The following NKD1 variants were observed in gnomAD, a reference collection of about 807,000 sequenced individuals.
NKD1 encodes NKD inhibitor of Wnt signaling pathway 1.
NKD1 carries 21 observed loss-of-function variants against 56.0 expected under a neutral mutation model. That is an observed-to-expected ratio of 0.38 (90% CI 0.27 to 0.54). The LOEUF (loss-of-function observed/expected upper bound fraction) is 0.54. Among genes scored for constraint, NKD1 ranks in the 20% least tolerant of loss-of-function variants. The probability of loss-of-function intolerance (pLI) is 0.82; values close to 1 mark genes in which losing one functional copy is unlikely to be tolerated. For missense variants in NKD1, 578 were observed against 642.7 expected (o/e 0.90, Z 1.09); for synonymous variants, 263 against 265.7 (o/e 0.99, Z 0.10).
chr16:50,552,444 G>C (rs967534623), intron 3 of NKD1: 2 of 152,296 alleles, frequency 1.3e-5, no homozygotes, highest in African/African-American at 2.4e-5. Context: ...AGAAGCAGGA[G>C]TGGCCCCTGT....
intron 3 of NKD1, chr16:50,574,445 T>C (rs760238101): frequency 3.0e-6 from 3 of 985,398 alleles, no homozygotes; most frequent in Non-Finnish European, 3.6e-6. Context: ...AATTTAGGAT[T>C]CCTTGGGACT....
intron 4 of NKD1, among the ~76,000 whole-genome samples, chr16:50,609,380 G>T (rs117480132): frequency 3.3e-5 from 5 of 152,362 alleles, no homozygotes; most frequent in Admixed American, 6.5e-5. Context: ...TCAGAAACAG[G>T]GAAAGAAATC....
chr16:50,578,137 G>A (rs1961029457), intron 3 of NKD1, among the ~76,000 whole-genome samples: 1 of 152,132 alleles, frequency 6.6e-6, no homozygotes, highest in South Asian at 2.1e-4. Context: ...CCATGTTGTG[G>A]CTTGTTCATC....
rs1421653694 is a variant in NKD1 at position 50,643,716 on chromosome 16, T to C, written c.*9935T>C. ...CTGCCAGCTTCTGGTCACAACATTT[T>C]CATTACCAATCAGTGCATAACCTTG... On this transcript the variant is annotated 3_prime_UTR_variant, in exon 10 of 10. Transcript: ENST00000268459. 6.6e-6 allele frequency: 1 copy of C among 152,262 alleles called. No homozygotes were observed. The highest frequency in any genetic ancestry group is 1.5e-5 in the Non-Finnish European group (1 of 68,052). The allele number at this position is 152,262 out of a possible 1,614,324, so 9.4% of individuals were successfully genotyped here. A position where few individuals can be genotyped will look rare whatever the true frequency, so the allele number is the denominator to read the frequency against.
intron 3 of NKD1, chr16:50,558,240 G>A (rs1179886964): frequency 6.6e-6 from 1 of 152,214 alleles, no homozygotes; most frequent in East Asian, 1.9e-4. Flanking sequence ...TTAGTACACT[G>A]GCTTGTGTTT....
chr16:50,562,028 G>A (rs556810057), intron 3 of NKD1, among the ~76,000 whole-genome samples: 5 of 152,222 alleles, frequency 3.3e-5, no homozygotes, highest in Admixed American at 6.5e-5. Context: ...ATGTGCAGGG[G>A]AGCAGAAGCA....
chr16:50,606,919 G>T (rs202035111), intron 3 of NKD1: 27 of 456,644 alleles, frequency 5.9e-5, no homozygotes, highest in Non-Finnish European at 1.1e-4. Context: ...GATGCCACCT[G>T]TGTGCATCCC....
intron 3 of NKD1, among the ~76,000 whole-genome samples, chr16:50,595,650 C>T (rs1053204547): frequency 5.3e-5 from 8 of 152,320 alleles, no homozygotes; most frequent in East Asian, 1.9e-4. Context: ...ATAGCTCACA[C>T]GTGGACCTCC....
chr16:50,597,132 A>G (rs1263373690), intron 3 of NKD1, among the ~76,000 whole-genome samples: 1 of 152,178 alleles, frequency 6.6e-6, no homozygotes, highest in African/African-American at 2.4e-5. Flanking sequence ...TCATTATTCA[A>G]GAGGACTGTG....
rs1962543937 is a variant in NKD1, at chr16:50,639,761, C to T, written c.*5980C>T. On this transcript the variant is annotated 3_prime_UTR_variant, in exon 10 of 10. Coordinates refer to ENST00000268459, the MANE Select transcript of NKD1 (RefSeq NM_033119.5). Reference sequence around the variant, plus strand: ...AAGATGGCCACATTTAGTGAGACCCCTAAGGTCCTCCAACTAGGGTGGGTC... The same window carrying T: ...AAGATGGCCACATTTAGTGAGACCCTTAAGGTCCTCCAACTAGGGTGGGTC... 6.6e-6 allele frequency: 1 copy of T among 152,234 alleles called. No homozygotes were observed. The highest frequency in any genetic ancestry group is 1.5e-5 in the Non-Finnish European group (1 of 68,052). 9.4% of individuals were successfully genotyped at this position (152,234 alleles called of 1,614,324 possible).
In NKD1 at chr16:50,598,144, C is replaced by T. The variant is rs1245440377; in HGVS notation, c.193-10150C>T. ...GGCCAGGAGATGAGAGTGGGAGGCCCAGGGCTGATGGGATCAGAGTGGGTA... is the reference window on the plus strand; with the variant it reads ...GGCCAGGAGATGAGAGTGGGAGGCCTAGGGCTGATGGGATCAGAGTGGGTA... On this transcript the variant is annotated intron_variant, in intron 3 of 9. Transcript: ENST00000268459. This position sits in a 1 kb window ranked among gnomAD's most constrained non-coding sequence, Gnocchi z 4.2. 1.3e-5 allele frequency among the ~76,000 whole-genome samples: 2 copies of T among 151,848 alleles called. No homozygotes were observed. Among genetic ancestry groups the T allele is most frequent in the African/African-American group, 4.8e-5 (2 of 41,340 alleles).
intron 6 of NKD1, among the ~76,000 whole-genome samples, chr16:50,627,942 T>C (rs1205241000): frequency 1.3e-5 from 2 of 152,056 alleles, no homozygotes; most frequent in African/African-American, 4.8e-5. Context: ...ACCTCCTTCA[T>C]GGGCTGCCCA....
At chr16:50,582,193 G>T (rs1305964300) in intron 3 of NKD1, among the ~76,000 whole-genome samples, 1 of 152,174 alleles carries the variant, frequency 6.6e-6, no homozygotes, top group Non-Finnish European at 1.5e-5. Flanking sequence ...GTGGGCCTCA[G>T]ATCATGAATC....
At chr16:50,609,571 G>T (rs1255131102) in intron 4 of NKD1, among the ~76,000 whole-genome samples, 1 of 152,154 alleles carries the variant, frequency 6.6e-6, no homozygotes, top group African/African-American at 2.4e-5. Context: ...CTCAAGGGGA[G>T]CATCGGCCAG....
At chr16:50,568,973 T>A (rs572386313) in intron 3 of NKD1, among the ~76,000 whole-genome samples, 1 of 152,296 alleles carries the variant, frequency 6.6e-6, no homozygotes, top group South Asian at 2.1e-4. Context: ...AGTTGGGCAG[T>A]TGGAGAAGGT....
chr16:50,642,460 G>A lies in NKD1; in HGVS notation c.*8679G>A, dbSNP rs1962596402. The A allele has an allele frequency of 6.6e-6, 1 of 152,290 alleles. No individual in the cohort carries two copies. The highest frequency in any genetic ancestry group is 2.1e-4 in the South Asian group (1 of 4,826). 9.4% of individuals were successfully genotyped at this position (152,290 alleles called of 1,614,324 possible). ...GGGGTTTGGCTAAGATGAGCAGACT[G>A]GCCCATGGTTGAGACTTTGGACCTG... On this transcript the variant is annotated 3_prime_UTR_variant, in exon 10 of 10. Transcript: ENST00000268459.
intron 4 of NKD1, among the ~76,000 whole-genome samples, chr16:50,613,216 G>A (rs1009810574): frequency 6.6e-6 from 1 of 152,106 alleles, no homozygotes; most frequent in Non-Finnish European, 1.5e-5. Flanking sequence ...CCAAGGAGAG[G>A]TACCGAGGAG....
rs549151207 is a variant in NKD1, at chr16:50,588,884, G to A, written c.193-19410G>A. Among the ~76,000 whole-genome samples the A allele has an allele frequency of 3.3e-5, 5 of 152,174 alleles. No homozygotes were observed. The South Asian group carries it at 6.2e-4, about 19-fold the overall frequency. ...CTCCCAAAGTGCTGGGATTACAGGC[G>A]TGAGCCACCATGCCTGGCCTCATAT... On this transcript the variant is annotated intron_variant, in intron 3 of 9. Coordinates refer to ENST00000268459, the MANE Select transcript of NKD1 (RefSeq NM_033119.5).
chr16:50,633,718 G>T lies in NKD1; in HGVS notation c.1350G>T (p.Gln450His). Residue 450 changes from glutamine (Q) to histidine (H), a missense_variant, in exon 10 of 10, where the codon CAG becomes CAT. Gln to His is a conservative substitution (Grantham distance 24, BLOSUM62 0). Transcript: ENST00000268459. The surrounding 1 kb of genome is among the most constrained non-coding windows in gnomAD (Gnocchi z 4.9). Reference sequence around the variant, plus strand: ...AGAGCCAGGCCGGGCAGCCGGTCCAGAGACATGAGCACCACCACCACCATG... The same window carrying T: ...AGAGCCAGGCCGGGCAGCCGGTCCATAGACATGAGCACCACCACCACCATG... ...VYESQAGQPV[Q>H]RHEHHHHHEH... The T allele has an allele frequency of 6.3e-7, 1 of 1,580,784 alleles. No homozygotes were observed. The highest frequency in any genetic ancestry group is 8.6e-7 in the Non-Finnish European group (1 of 1,163,216).
Sources: allele counts gnomAD v4.1 joint callset (sites outside exome capture counted in the v4.1 genomes callset), GRCh38; gene constraint gnomAD v4.1.1; non-coding constraint Gnocchi (gnomAD v3.1); transcripts MANE v1.5; gene names NCBI Gene and HGNC (gene_info 2026-07-23, HGNC 2026-07-21).